The following SDK1 variants were observed in gnomAD, a reference collection of about 807,000 sequenced individuals.
SDK1 encodes the protein sidekick cell adhesion molecule 1.
SDK1 carries 157 observed loss-of-function variants against 245.5 expected under a neutral mutation model. The observed-to-expected ratio is 0.64, with a 90% confidence interval of 0.56 to 0.73. SDK1 has a LOEUF of 0.73. SDK1 is among the 30% of genes least tolerant of loss of function. The pLI, the probability that SDK1 is intolerant of heterozygous loss-of-function variation, is 0.00. For missense variants in SDK1, 3,583 were observed against 3,002.3 expected (o/e 1.19, Z -4.52); for synonymous variants, 1,647 against 1,278.5 (o/e 1.29, Z -6.15).
rs531223984 is a variant in SDK1, at chr7:3,489,361, A to G, written c.299-129719A>G. 1.4e-4 allele frequency among the ~76,000 whole-genome samples: 21 copies of G among 152,318 alleles called. No homozygotes were observed. The South Asian group carries it at 1.7e-3, about 12-fold the overall frequency. On this transcript the variant is annotated intron_variant, in intron 1 of 44. Transcript: ENST00000404826. ...CTAAACAATTGAGCGTATTGTGGAA[A>G]TTTTCCGGTGATTTTTGTCTTAAAT...
At chr7:4,229,450 G>A (rs1343716359) in intron 40 of SDK1, among the ~76,000 whole-genome samples, 4 of 152,104 alleles carry the variant, frequency 2.6e-5, no homozygotes, top group East Asian at 1.9e-4. Flanking sequence ...TAAATAAATC[G>A]TTCTGCGTTA....
chr7:3,413,270 T>C (rs189384484), intron 1 of SDK1, among the ~76,000 whole-genome samples: 49 of 152,128 alleles, frequency 3.2e-4, no homozygotes, highest in Admixed American at 1.9e-3. Flanking sequence ...AAAGGGACTA[T>C]CATGAGCAGA....
intron 4 of SDK1, among the ~76,000 whole-genome samples, chr7:3,818,972 A>G (rs758790186): frequency 6.6e-6 from 1 of 152,202 alleles, no homozygotes; most frequent in Non-Finnish European, 1.5e-5. Context: ...GCCGCTAAGA[A>G]AGAAGACAGG....
chr7:4,130,732 C>T (rs536305010), intron 27 of SDK1, among the ~76,000 whole-genome samples: 1 of 152,280 alleles, frequency 6.6e-6, no homozygotes, highest in Non-Finnish European at 1.5e-5. Flanking sequence ...TTTTCCCACT[C>T]TGCAGATGTC....
chr7:3,445,028 G>A (rs1450211395), intron 1 of SDK1, among the ~76,000 whole-genome samples: 7 of 152,064 alleles, frequency 4.6e-5, no homozygotes, highest in Admixed American at 4.6e-4. Context: ...ATATTTGTAG[G>A]ATACTTAGTA....
In SDK1 at chr7:4,221,337, G is replaced by A. The variant is rs753699813; in HGVS notation, c.5800G>A (p.Gly1934Ser). The change falls in exon 40 of 45, where the codon GGC (glycine) becomes AGC (serine). Residue 1934 changes from glycine (G) to serine (S), a missense_variant. Transcript: ENST00000404826. ...EGHSGDTPTT[G>S]YVIEARPSDE... is the part of the protein sequence containing the mutation. ...ACACTCTGGCGACACACCTACCACGGGCTATGTGATCGAGGCCCGGCCCTC... is the reference window on the plus strand; with the variant it reads ...ACACTCTGGCGACACACCTACCACGAGCTATGTGATCGAGGCCCGGCCCTC... 3 of 1,612,166 alleles carry A rather than the reference G, an allele frequency of 1.9e-6. No individual in the cohort carries two copies. The highest frequency in any genetic ancestry group is 2.7e-5 in the African/African-American group (2 of 74,900).
chr7:4,164,469 A>G (rs967996118), intron 32 of SDK1, among the ~76,000 whole-genome samples: 2 of 152,204 alleles, frequency 1.3e-5, no homozygotes, highest in African/African-American at 2.4e-5. Context: ...GAGACATTCA[A>G]AATGGAAATG....
At chr7:3,640,461 A>G (rs552641755) in intron 3 of SDK1, among the ~76,000 whole-genome samples, 1 of 152,330 alleles carries the variant, frequency 6.6e-6, no homozygotes, top group South Asian at 2.1e-4. Context: ...TAAAATCACT[A>G]GGAAGGCTTA....
At chr7:3,808,272 T>A (rs1413302171) in intron 4 of SDK1, among the ~76,000 whole-genome samples, 1 of 152,126 alleles carries the variant, frequency 6.6e-6, no homozygotes, top group Admixed American at 6.5e-5. Flanking sequence ...GGGAGCATGG[T>A]GCCCCTTCTG....
At chr7:3,364,705 A>G (rs1032708402) in intron 1 of SDK1, among the ~76,000 whole-genome samples, 1 of 152,194 alleles carries the variant, frequency 6.6e-6, no homozygotes, top group Non-Finnish European at 1.5e-5. Context: ...GAAATCAGGT[A>G]CACTGATGAT....
chr7:4,179,877 C>A (rs907201654), intron 35 of SDK1, among the ~76,000 whole-genome samples: 3 of 151,916 alleles, frequency 2.0e-5, no homozygotes, highest in Admixed American at 2.0e-4. Flanking sequence ...CAGCCTGTGG[C>A]ATCGGGGGAG....
At chr7:3,355,760 A>G (rs879298614) in intron 1 of SDK1, among the ~76,000 whole-genome samples, 4 of 152,200 alleles carry the variant, frequency 2.6e-5, no homozygotes, top group Non-Finnish European at 4.4e-5. Flanking sequence ...AAACTCATCT[A>G]TTAGTCCCAA....
intron 14 of SDK1, among the ~76,000 whole-genome samples, chr7:3,993,467 T>G (rs1784492427): frequency 6.6e-6 from 1 of 152,208 alleles, no homozygotes; most frequent in Non-Finnish European, 1.5e-5. Context: ...CTACGGTTAG[T>G]TTTTTAATAG....
intron 1 of SDK1, among the ~76,000 whole-genome samples, chr7:3,500,000 C>T (rs1224706848): frequency 6.6e-6 from 1 of 152,080 alleles, no homozygotes. Flanking sequence ...AGTGGGAACT[C>T]CATTAACAGG....
chr7:3,537,846 T>C (rs576765988), intron 1 of SDK1, among the ~76,000 whole-genome samples: 2 of 152,256 alleles, frequency 1.3e-5, no homozygotes, highest in African/African-American at 4.8e-5. Context: ...GGAAGCAGAG[T>C]TGGGGCCTCC....
rs561178064 is a variant in SDK1 at position 3,356,462 on chromosome 7, C to G, written c.298+54578C>G. ...ATCCCCAAGTCTCTGTGTTATAATT[C>G]ATACGAGTTGGGAGGCTGCAGTATA... On this transcript the variant is annotated intron_variant, in intron 1 of 44. Coordinates refer to ENST00000404826, the MANE Select transcript of SDK1 (RefSeq NM_152744.4). Among the ~76,000 whole-genome samples, 3 of 152,248 alleles carry G rather than the reference C, an allele frequency of 2.0e-5. No homozygotes were observed. The East Asian group carries it at 5.8e-4, about 29-fold the overall frequency.
intron 5 of SDK1, among the ~76,000 whole-genome samples, chr7:3,876,823 A>C (rs755305233): frequency 1.3e-5 from 2 of 152,194 alleles, no homozygotes; most frequent in Non-Finnish European, 2.9e-5. Context: ...TGGATTCACC[A>C]AATGTTAGCA....
rs74458909 is a variant in SDK1 at position 3,733,663 on chromosome 7, A to G, written c.714-87787A>G. 3.5e-3 allele frequency among the ~76,000 whole-genome samples: 529 copies of G among 152,318 alleles called. 4 individuals carry two copies. The highest frequency in any genetic ancestry group is 0.017 in the South Asian group (80 of 4,826). On this transcript the variant is annotated intron_variant, in intron 4 of 44. Transcript: ENST00000404826. Reference sequence around the variant, plus strand: ...TGTTTTTCTAGCCCTTACTACAGTGACTAGTAATGAAGTAAGTGCCCAAAC... The same window carrying G: ...TGTTTTTCTAGCCCTTACTACAGTGGCTAGTAATGAAGTAAGTGCCCAAAC...
At chr7:3,596,894 C>G (rs1781085654) in intron 1 of SDK1, among the ~76,000 whole-genome samples, 1 of 152,116 alleles carries the variant, frequency 6.6e-6, no homozygotes, top group South Asian at 2.1e-4. Flanking sequence ...ACAGAAACAG[C>G]TAGATTGGTT....
Sources: allele counts gnomAD v4.1 joint callset (sites outside exome capture counted in the v4.1 genomes callset), GRCh38; gene constraint gnomAD v4.1.1; transcripts MANE v1.5; gene names NCBI Gene and HGNC (gene_info 2026-07-23, HGNC 2026-07-21).